The following SUMF1 variants were observed in gnomAD, a reference collection of about 807,000 sequenced individuals.
SUMF1 encodes the protein sulfatase modifying factor 1, also known as formylglycine-generating enzyme.
A neutral mutation model predicts 47.6 loss-of-function variants in SUMF1; 48 were observed. The observed-to-expected ratio is 1.01, with a 90% CI of 0.80 to 1.28. The LOEUF is 1.28. Ranked by LOEUF, SUMF1 falls within the 50% of genes most tolerant of loss-of-function variation. The pLI is 0.00. For missense variants in SUMF1, 571 were observed against 485.4 expected (o/e 1.18, Z -1.66); for synonymous variants, 230 against 192.1 (o/e 1.20, Z -1.63).
chr3:4,453,703 T>C (rs1703058452), intron 1 of SUMF1, among the ~76,000 whole-genome samples: 1 of 151,958 alleles, frequency 6.6e-6, no homozygotes, highest in South Asian at 2.1e-4. Flanking sequence ...CCGGCTAATT[T>C]TTGTATTTTT....
intron 8 of SUMF1, among the ~76,000 whole-genome samples, chr3:4,173,574 G>A (rs1444812998): frequency 6.6e-6 from 1 of 152,070 alleles, no homozygotes; most frequent in African/African-American, 2.4e-5. Flanking sequence ...AAAGACATAT[G>A]CATACGTATG....
intron 8 of SUMF1, among the ~76,000 whole-genome samples, chr3:4,216,631 C>T (rs2629265): frequency 0.59 from 89,797 of 151,732 alleles, 26,705 homozygotes; most frequent in South Asian, 0.69. Context: ...AAAAAAGGGC[C>T]AATATCCAGA....
At chr3:4,379,771 G>A (rs1460739371) in intron 7 of SUMF1, among the ~76,000 whole-genome samples, 1 of 150,918 alleles carries the variant, frequency 6.6e-6, no homozygotes, top group Non-Finnish European at 1.5e-5. Context: ...GAATCCGCGA[G>A]GCGGAGGTTG....
intron 9 of SUMF1, chr3:4,068,468 T>A (rs1695430871): frequency 5.5e-6 from 1 of 182,508 alleles, no homozygotes; most frequent in Non-Finnish European, 1.2e-5. Context: ...ATGTTCAAAA[T>A]ATTATTTCAA....
intron 8 of SUMF1, among the ~76,000 whole-genome samples, chr3:4,340,373 C>T (rs1383241369): frequency 6.6e-6 from 1 of 152,162 alleles, no homozygotes; most frequent in Non-Finnish European, 1.5e-5. Context: ...GTCGTCTTTT[C>T]CTGAGCTGCA....
chr3:4,348,636 G>A (rs1314566565), intron 8 of SUMF1, among the ~76,000 whole-genome samples: 3 of 152,016 alleles, frequency 2.0e-5, no homozygotes, highest in East Asian at 1.9e-4. Flanking sequence ...AGGCTGAGGC[G>A]GGTTGACCAC....
chr3:4,287,208 A>G (rs1430837463), intron 8 of SUMF1, among the ~76,000 whole-genome samples: 1 of 152,122 alleles, frequency 6.6e-6, no homozygotes, highest in Non-Finnish European at 1.5e-5. Context: ...CAAAGCTTTC[A>G]GGGGGTCCTC....
chr3:4,337,932 C>T (rs1198734291), intron 8 of SUMF1, among the ~76,000 whole-genome samples: 2 of 152,066 alleles, frequency 1.3e-5, no homozygotes, highest in African/African-American at 4.8e-5. Flanking sequence ...TCATAGACAT[C>T]CTCAACTTTT....
intron 8 of SUMF1, among the ~76,000 whole-genome samples, chr3:4,335,318 C>T (rs1350931764): frequency 6.6e-6 from 1 of 152,174 alleles, no homozygotes; most frequent in Non-Finnish European, 1.5e-5. Flanking sequence ...CTCTTCACCT[C>T]ATCTCTTAAA....
chr3:4,370,870 T>C (rs115252429), intron 8 of SUMF1, among the ~76,000 whole-genome samples: 381 of 152,306 alleles, frequency 2.5e-3, no homozygotes, highest in African/African-American at 8.7e-3. Flanking sequence ...TGCCTCTCCC[T>C]TCCCCACCAC....
chr3:4,457,472 G>A (rs2079694783), intron 1 of SUMF1, among the ~76,000 whole-genome samples: 1 of 152,204 alleles, frequency 6.6e-6, no homozygotes, highest in Non-Finnish European at 1.5e-5. Context: ...CAAAGGTGGA[G>A]TACCACACTA....
At chr3:4,387,468 C>T (rs76782817) in intron 7 of SUMF1, among the ~76,000 whole-genome samples, 12,393 of 151,844 alleles carry the variant, frequency 0.082, 795 homozygotes, top group African/African-American at 0.18. Flanking sequence ...TATTAGTAAT[C>T]TGGGTATTCT....
chr3:4,253,922 T>TG (rs1559617735), intron 8 of SUMF1, among the ~76,000 whole-genome samples: 1 of 146,336 alleles, frequency 6.8e-6, no homozygotes, highest in Admixed American at 6.7e-5. Context: ...ATCTGAGAAC[T>TG]GGCAGACTGC....
At chr3:4,329,300 G>A (rs985555252) in intron 8 of SUMF1, among the ~76,000 whole-genome samples, 1 of 152,176 alleles carries the variant, frequency 6.6e-6, no homozygotes, top group Non-Finnish European at 1.5e-5. Context: ...TTTCCACACT[G>A]CCTTATCAGA....
intron 3 of SUMF1, among the ~76,000 whole-genome samples, chr3:4,435,888 T>C (rs1438098543): frequency 6.6e-6 from 1 of 152,226 alleles, no homozygotes; most frequent in African/African-American, 2.4e-5. Context: ...TATTTTAGGC[T>C]GAAGAGAAAT....
In SUMF1 at chr3:4,417,184, G is replaced by T; in HGVS notation, c.784C>A (p.Gln262Lys). The T allele has an allele frequency of 6.2e-7, 1 of 1,613,970 alleles. No individual in the cohort carries two copies. The highest frequency in any genetic ancestry group is 8.5e-7 in the Non-Finnish European group (1 of 1,179,920). Residue 262 changes from glutamine to lysine, a missense_variant, in exon 6 of 9, where the codon CAG becomes AAG. Transcript: ENST00000272902. ...GTGTTGGTCACCGGAAACTCGCCCT[G>T]CCAAATGTTGGCATAATGCTGGCCT... ...PKGQHYANIW[Q>K]GEFPVTNTGE... is the part of the protein sequence containing the mutation.
chr3:4,230,333 A>G (rs928906356), intron 8 of SUMF1, among the ~76,000 whole-genome samples: 2 of 152,246 alleles, frequency 1.3e-5, no homozygotes, highest in Middle Eastern at 3.4e-3. Flanking sequence ...TATTGTGCCC[A>G]CAATCATAAG....
In SUMF1 at chr3:4,131,116, G is replaced by A. The variant is rs138653878; in HGVS notation, c.1015-62371C>T. On this transcript the variant is annotated intron_variant and NMD_transcript_variant, in intron 8 of 12. Coordinates refer to the SUMF1 transcript ENST00000448413. ...ATGGAAACTGAACATTTGACTATGC[G>A]TCATCAAGTCACCATATGACCTGAA... Among the ~76,000 whole-genome samples the A allele has an allele frequency of 2.7e-3, 417 of 152,238 alleles. 4 individuals are homozygous for A. The highest frequency in any genetic ancestry group is 9.1e-3 in the African/African-American group (376 of 41,546).
At chr3:4,168,930 T>C (rs931302) in intron 8 of SUMF1, among the ~76,000 whole-genome samples, 115,911 of 152,130 alleles carry the variant, frequency 0.76, 45,154 homozygotes, top group African/African-American at 0.93. Flanking sequence ...CTATATTCAA[T>C]AACCATGGTA....
Sources: allele counts gnomAD v4.1 joint callset (sites outside exome capture counted in the v4.1 genomes callset), GRCh38; gene constraint gnomAD v4.1.1; transcripts MANE v1.5; gene names NCBI Gene and HGNC (gene_info 2026-07-23, HGNC 2026-07-21).